NKAP: variants seen among roughly 807,000 people sequenced by gnomAD.
The protein encoded by NKAP is NFKB activating protein.
Under a neutral mutation model 35.6 loss-of-function variants are expected in NKAP, and 4 were observed. That is an observed-to-expected ratio of 0.11 (90% CI 0.06 to 0.26). The LOEUF (loss-of-function observed/expected upper bound fraction) is 0.26, where lower values mean the gene tolerates loss of function less well. NKAP is among the 10% of genes least tolerant of loss of function. The pLI is 1.00. For missense variants in NKAP, 238 were observed against 321.9 expected (o/e 0.74, Z 1.99); for synonymous variants, 106 against 119.2 (o/e 0.89, Z 0.72).
intron 8 of NKAP, among the ~76,000 whole-genome samples, chrX:119,929,237 T>G (rs2056729810): frequency 8.9e-6 from 1 of 112,132 alleles, no homozygotes; most frequent in South Asian, 3.7e-4. Flanking sequence ...TTTTCTTGCC[T>G]TACTGTGTGG....
chrX:119,936,073 C>T (rs1387023901), intron 4 of NKAP, among the ~76,000 whole-genome samples: 4 of 111,767 alleles, frequency 3.6e-5, no homozygotes, highest in Non-Finnish European at 5.6e-5. Context: ...ATAACCTGCT[C>T]TGTCTCCATT....
intron 1 of NKAP, among the ~76,000 whole-genome samples, chrX:119,940,371 A>C (rs2056787419): frequency 9.2e-6 from 1 of 108,804 alleles, no homozygotes. Context: ...AAAAAAAAAA[A>C]AACTATACTC....
rs182838450 is a variant in NKAP at position 119,940,801 on chromosome X, G to A, written c.387-1991C>T. On this transcript the variant is annotated intron_variant, in intron 1 of 8. Transcript: ENST00000371410. ...TACTTGGAATGTATGGATATCGGGG[G>A]AAGAACGCCTACCAGGCTGTAAATA... Among the ~76,000 whole-genome samples, 378 of 111,971 alleles carry A rather than the reference G, an allele frequency of 3.4e-3. 1 individual carries two copies. Among genetic ancestry groups the A allele is most frequent in the African/African-American group, 0.011 (343 of 30,878 alleles).
intron 2 of NKAP, among the ~76,000 whole-genome samples, chrX:119,938,493 T>A (rs1405458661): frequency 8.9e-6 from 1 of 112,139 alleles, no homozygotes; most frequent in Non-Finnish European, 1.9e-5. Context: ...AACCCTTCTA[T>A]TAATAGGAAA....
At chrX:119,938,418 T>C (rs1230101565) in intron 2 of NKAP, among the ~76,000 whole-genome samples, 2 of 109,256 alleles carry the variant, frequency 1.8e-5, no homozygotes, top group African/African-American at 3.5e-5. Flanking sequence ...ATATCTGGCA[T>C]GCAATCTGCC....
Position 119,924,430 on chromosome X carries a change from G to C in NKAP, c.*790C>G, listed in dbSNP as rs1212964338. On this transcript the variant is annotated 3_prime_UTR_variant, in exon 9 of 9. Transcript: ENST00000371410. ...TTTGAGACAGAGTTTCACTCTTCTT[G>C]CCCAGGCTGGAGTGCAATGTCACAA... 9.2e-6 allele frequency: 1 copy of C among 108,930 alleles called. No homozygotes were observed. Among genetic ancestry groups the C allele is most frequent in the African/African-American group, 3.3e-5 (1 of 29,929 alleles). The allele number at this position is 108,930 out of a possible 1,213,427, so 9.0% of individuals were successfully genotyped here. A position where few individuals can be genotyped will look rare whatever the true frequency, so the allele number is the denominator to read the frequency against.
In NKAP at chrX:119,943,023, A is replaced by G. The variant is rs2056800779; in HGVS notation, c.386+197T>C. ...GGGTAGCGGGAGACCAGGGCACTAT[A>G]TGAAGGGGCCTGAGGGTAAGGGAAA... On this transcript the variant is annotated intron_variant, in intron 1 of 8. Transcript: ENST00000371410. 1.3e-5 allele frequency: 6 copies of G among 474,711 alleles called. No homozygotes were observed. The East Asian group carries it at 1.9e-4, about 15-fold the overall frequency. 39.1% of individuals were successfully genotyped at this position (474,711 alleles called of 1,213,427 possible).
intron 5 of NKAP, among the ~76,000 whole-genome samples, chrX:119,934,116 A>G: frequency 9.0e-6 from 1 of 110,571 alleles, no homozygotes; most frequent in Non-Finnish European, 1.9e-5. Context: ...TCATTATACT[A>G]TTTTATGTAA....
At chrX:119,942,937 C>A in intron 1 of NKAP, 2 of 301,528 alleles carry the variant, frequency 6.6e-6, no homozygotes, top group Non-Finnish European at 1.2e-5. Flanking sequence ...CAGGTAAATG[C>A]TACAGTTCTG....
Position 119,925,947 on chromosome X carries a change from A to ATTT in NKAP, c.1074-556_1074-554dup, listed in dbSNP as rs1238211722. On this transcript the variant is annotated intron_variant, in intron 8 of 8. Coordinates refer to ENST00000371410, the MANE Select transcript of NKAP (RefSeq NM_024528.4). ...CTTTTTTCTTTTTTTTTTTTTTTTA[A>ATTT]TTTTTTTTTTTTTTTTTTTTGAGAC... Among the ~76,000 whole-genome samples, 172 of 52,354 alleles carry ATTT rather than the reference A, an allele frequency of 3.3e-3. 8 individuals are homozygous for ATTT. The highest frequency in any genetic ancestry group is 6.0e-3 in the African/African-American group (73 of 12,246). 45.5% of individuals were successfully genotyped at this position (52,354 alleles called of 115,157 possible). A position where few individuals can be genotyped will look rare whatever the true frequency, so the allele number is the denominator to read the frequency against.
At chrX:119,935,311 T>C (rs7879094) in intron 4 of NKAP, among the ~76,000 whole-genome samples, 15,104 of 110,914 alleles carry the variant, frequency 0.14, 1,405 homozygotes, top group African/African-American at 0.34. Context: ...AGGGAGAGAC[T>C]GGCATTGTAG....
In NKAP at chrX:119,922,142, G is replaced by A. The variant is rs1436724382; in HGVS notation, c.*3078C>T. On this transcript the variant is annotated 3_prime_UTR_variant, in exon 9 of 9. Coordinates refer to ENST00000371410, the MANE Select transcript of NKAP (RefSeq NM_024528.4). ...TAGGTGTGAGCCACCACGCCCAGCT[G>A]AGAATAAAATTTTTAAGTGGGTATT... The A allele has an allele frequency of 1.8e-5, 2 of 111,500 alleles. No individual in the cohort carries two copies. The highest frequency in any genetic ancestry group is 3.8e-5 in the Non-Finnish European group (2 of 53,068). 9.2% of individuals were successfully genotyped at this position (111,500 alleles called of 1,213,427 possible).
intron 4 of NKAP, 70 bp downstream of exon 4, chrX:119,936,227 T>A: frequency 8.9e-7 from 1 of 1,119,533 alleles, no homozygotes; most frequent in Non-Finnish European, 1.2e-6. Flanking sequence ...GGAACCTTCT[T>A]CTAAAATAAG....
intron 8 of NKAP, among the ~76,000 whole-genome samples, chrX:119,928,332 A>G (rs1343195479): frequency 8.9e-6 from 1 of 112,196 alleles, no homozygotes; most frequent in Non-Finnish European, 1.9e-5. Flanking sequence ...TCTTTTGTTA[A>G]GATTTATTCT....
chrX:119,925,512 T>A, intron 8 of NKAP, 118 bp from the exon 9 acceptor site: 1 of 702,237 alleles, frequency 1.4e-6, no homozygotes, highest in Non-Finnish European at 2.0e-6. Context: ...TGAAATGGGT[T>A]AAATTTCCAA....
chrX:119,939,112 A>G (rs2056780165), intron 1 of NKAP, among the ~76,000 whole-genome samples: 1 of 112,090 alleles, frequency 8.9e-6, no homozygotes, highest in Non-Finnish European at 1.9e-5. Context: ...ACAGCTTCAC[A>G]TTTGTAAGTA....
chrX:119,934,575 T>C lies in NKAP; in HGVS notation c.674-18A>G. The C allele has an allele frequency of 1.8e-6, 2 of 1,124,959 alleles. No homozygotes were observed. Among genetic ancestry groups the C allele is most frequent in the Non-Finnish European group, 2.4e-6 (2 of 850,041 alleles). The allele number at this position is 1,124,959 out of a possible 1,213,427, so 92.7% of individuals were successfully genotyped here. On this transcript the variant is annotated intron_variant, in intron 4 of 8. Transcript: ENST00000371410. Reference sequence around the variant, plus strand: ...ATCTTCATCTGCAAATTAAAGCACATTACAATTAAGAAAAAAATTTTTTAA... The same window carrying C: ...ATCTTCATCTGCAAATTAAAGCACACTACAATTAAGAAAAAAATTTTTTAA...
intron 1 of NKAP, among the ~76,000 whole-genome samples, chrX:119,939,487 G>A (rs1372822002): frequency 2.7e-5 from 3 of 110,896 alleles, no homozygotes; most frequent in Non-Finnish European, 3.8e-5. Context: ...GGGTTTCATC[G>A]TGTTGGCCAG....
chrX:119,930,961 C>T (rs1019519276), intron 7 of NKAP, among the ~76,000 whole-genome samples: 10 of 110,582 alleles, frequency 9.0e-5, no homozygotes, highest in African/African-American at 1.6e-4. Flanking sequence ...GCCAACATGG[C>T]GAAACCCCAG....
Sources: allele counts gnomAD v4.1 joint callset (sites outside exome capture counted in the v4.1 genomes callset), GRCh38; gene constraint gnomAD v4.1.1; transcripts MANE v1.5; gene names NCBI Gene and HGNC (gene_info 2026-07-23, HGNC 2026-07-21).